MSRA: variants seen among roughly 807,000 people sequenced by gnomAD.
MSRA encodes the protein mitochondrial peptide methionine sulfoxide reductase.
In MSRA, 54 loss-of-function variants were observed where a neutral mutation model predicts 31.3. The ratio of observed to expected loss-of-function variants is 1.73; its 90% CI spans 1.39 to 2.17. The LOEUF is 2.17. Among genes scored for constraint, MSRA ranks in the 30% most tolerant of loss-of-function variants. MSRA has a pLI of 0.00. For missense variants in MSRA, 507 were observed against 300.9 expected, an observed-to-expected ratio of 1.69 and a Z score of -5.07; for synonymous variants, 169 against 116.5, an observed-to-expected ratio of 1.45 and a Z score of -2.90.
At chr8:10,208,885 C>A (rs981235379) in intron 2 of MSRA, among the ~76,000 whole-genome samples, 1 of 152,200 alleles carries the variant, frequency 6.6e-6, no homozygotes, top group Non-Finnish European at 1.5e-5. Flanking sequence ...ACTTGAATTG[C>A]GTTTGAACTG....
intron 5 of MSRA, among the ~76,000 whole-genome samples, chr8:10,350,147 C>T (rs186032498): frequency 3.9e-4 from 59 of 152,330 alleles, no homozygotes; most frequent in East Asian, 1.3e-3. Context: ...TGGAGACCTA[C>T]GAGTGGAATT....
At chr8:10,093,500 C>T (rs545089640) in intron 1 of MSRA, among the ~76,000 whole-genome samples, 1 of 152,258 alleles carries the variant, frequency 6.6e-6, no homozygotes, top group Admixed American at 6.5e-5. Flanking sequence ...CATGTTACCT[C>T]TTCATAGATT....
intron 1 of MSRA, among the ~76,000 whole-genome samples, chr8:10,060,617 CT>C (rs998548904): frequency 1.5e-4 from 23 of 149,174 alleles, no homozygotes; most frequent in African/African-American, 5.4e-4. Context: ...TTTCTGTCAT[CT>C]TTTGTCATAC....
chr8:10,413,166 C>T (rs1244455610), intron 5 of MSRA, among the ~76,000 whole-genome samples: 3 of 152,162 alleles, frequency 2.0e-5, no homozygotes, highest in Non-Finnish European at 4.4e-5. Context: ...AGGCCCTGCA[C>T]AAGGGAAGAG....
At chr8:10,327,813 G>A (rs561519319) in intron 5 of MSRA, among the ~76,000 whole-genome samples, 5 of 152,088 alleles carry the variant, frequency 3.3e-5, no homozygotes, top group African/African-American at 9.6e-5. Flanking sequence ...GGCGCCTGTA[G>A]TCCCAGCTAC....
chr8:10,363,779 C>CACAA (rs1805000433), intron 5 of MSRA, among the ~76,000 whole-genome samples: 1 of 151,030 alleles, frequency 6.6e-6, no homozygotes, highest in African/African-American at 2.4e-5. Flanking sequence ...CACACACACA[C>CACAA]TAGCTGGTTG....
intron 4 of MSRA, among the ~76,000 whole-genome samples, chr8:10,316,592 C>T (rs1438562431): frequency 6.8e-6 from 1 of 146,178 alleles, no homozygotes; most frequent in African/African-American, 2.6e-5. Flanking sequence ...CTCCTCTTCT[C>T]CCCCTCCCTC....
At chr8:10,232,314 AG>A (rs111886238) in intron 2 of MSRA, among the ~76,000 whole-genome samples, 1,720 of 152,246 alleles carry the variant, frequency 0.011, 23 homozygotes, top group Middle Eastern at 0.031. Flanking sequence ...CTGTTGTTGG[AG>A]GGTTTGTTAT....
chr8:10,080,942 G>GTTGGGCAAGGC (rs1464362487), intron 1 of MSRA, among the ~76,000 whole-genome samples: 3 of 152,214 alleles, frequency 2.0e-5, no homozygotes, highest in Non-Finnish European at 2.9e-5. Context: ...GCAGAAGGCT[G>GTTGGGCAAGGC]TTGGGCAAGG....
chr8:10,423,800 C>T (rs2129197044), intron 5 of MSRA, among the ~76,000 whole-genome samples: 1 of 152,318 alleles, frequency 6.6e-6, no homozygotes, highest in South Asian at 2.1e-4. Context: ...ACCATTCCTT[C>T]CCAGGCCCTA....
At chr8:10,104,492 G>C (rs1371855894) in intron 1 of MSRA, among the ~76,000 whole-genome samples, 1 of 152,094 alleles carries the variant, frequency 6.6e-6, no homozygotes, top group Non-Finnish European at 1.5e-5. Flanking sequence ...AGGACAACTT[G>C]AATCAGGGGC....
At chr8:10,308,264 C>G (rs182938085) in intron 4 of MSRA, among the ~76,000 whole-genome samples, 1 of 152,168 alleles carries the variant, frequency 6.6e-6, no homozygotes, top group Admixed American at 6.5e-5. Context: ...TGATGAACTC[C>G]CAGTTACCCT....
intron 1 of MSRA, among the ~76,000 whole-genome samples, chr8:10,139,883 T>G (rs1802560373): frequency 6.6e-6 from 1 of 152,218 alleles, no homozygotes; most frequent in South Asian, 2.1e-4. Context: ...TTCCTCAGTG[T>G]TGTGTGTAAA....
intron 3 of MSRA, among the ~76,000 whole-genome samples, chr8:10,277,010 A>C (rs1799355399): frequency 6.6e-6 from 1 of 152,216 alleles, no homozygotes; most frequent in South Asian, 2.1e-4. Flanking sequence ...ATTACCATTA[A>C]GATAATTATA....
In MSRA at chr8:10,084,951, C is replaced by T. The variant is rs1456258729; in HGVS notation, c.142+30293C>T. 2.0e-5 allele frequency among the ~76,000 whole-genome samples: 3 copies of T among 152,046 alleles called. 1 individual carries two copies. The highest frequency in any genetic ancestry group is 2.9e-5 in the Non-Finnish European group (2 of 68,022). ...ATTTTTTCAGATGAAGCTGGTTCCCCTTTATATTTAATACAAAATTTCCTT... is the reference window on the plus strand; with the variant it reads ...ATTTTTTCAGATGAAGCTGGTTCCCTTTTATATTTAATACAAAATTTCCTT... On this transcript the variant is annotated intron_variant, in intron 1 of 5. Transcript: ENST00000317173.
chr8:10,115,327 A>G (rs375037796), intron 1 of MSRA, among the ~76,000 whole-genome samples: 10 of 152,216 alleles, frequency 6.6e-5, no homozygotes, highest in African/African-American at 2.4e-4. Context: ...CCTCACAGCG[A>G]AGAGGCCATT....
chr8:10,107,542 C>T (rs1799974281), intron 1 of MSRA, among the ~76,000 whole-genome samples: 1 of 152,094 alleles, frequency 6.6e-6, no homozygotes, highest in South Asian at 2.1e-4. Context: ...CCTTCTAATG[C>T]TTTTCAATAA....
At chr8:10,406,243 G>T (rs1356840205) in intron 5 of MSRA, among the ~76,000 whole-genome samples, 1 of 152,238 alleles carries the variant, frequency 6.6e-6, no homozygotes, top group Non-Finnish European at 1.5e-5. Flanking sequence ...GAGGTCCCTT[G>T]CAGTCACGGC....
chr8:10,357,682 G>GA (rs562891290), intron 5 of MSRA, among the ~76,000 whole-genome samples: 103 of 152,094 alleles, frequency 6.8e-4, no homozygotes, highest in Non-Finnish European at 4.3e-4. Flanking sequence ...CTTTTAATCA[G>GA]AAAAAAGTAT....
Sources: gnomAD v4.1 joint callset for allele counts (sites outside exome capture counted in the v4.1 genomes callset) on GRCh38, gnomAD v4.1.1 for gene constraint, MANE v1.5 for transcripts, NCBI Gene and HGNC (gene_info 2026-07-23, HGNC 2026-07-21) for gene names.